GALNTL6: variants seen among roughly 807,000 people sequenced by gnomAD.
GALNTL6 encodes polypeptide N-acetylgalactosaminyltransferase like 6.
In GALNTL6, 46 loss-of-function variants were observed where a neutral mutation model predicts 73.7. The observed-to-expected ratio is 0.62, with a 90% CI of 0.49 to 0.80. GALNTL6 has a LOEUF of 0.80. Ranked by LOEUF, GALNTL6 falls within the 30% of genes least tolerant of loss-of-function variation. GALNTL6 has a pLI of 0.00. For missense variants in GALNTL6, 604 were observed against 755.0 expected (o/e 0.80, Z 2.34); for synonymous variants, 259 against 263.7 (o/e 0.98, Z 0.17).
At chr4:172,767,758 C>T (rs966744007) in intron 5 of GALNTL6, among the ~76,000 whole-genome samples, 2 of 149,980 alleles carry the variant, frequency 1.3e-5, no homozygotes, top group Non-Finnish European at 3.0e-5. Context: ...CAACTTCCAC[C>T]TCCCAGGTTC....
intron 7 of GALNTL6, among the ~76,000 whole-genome samples, chr4:172,878,602 TAAC>T (rs1367463726): frequency 1.8e-4 from 28 of 151,708 alleles, no homozygotes; most frequent in Admixed American, 1.8e-3. Context: ...ACCATTATGA[TAAC>T]AAAGAAACCA....
chr4:172,207,822 A>C (rs1428063792), intron 2 of GALNTL6, among the ~76,000 whole-genome samples: 1 of 152,234 alleles, frequency 6.6e-6, no homozygotes, highest in Non-Finnish European at 1.5e-5. Context: ...CATAACTTGC[A>C]CGCAGTAAGT....
chr4:172,931,367 G>A (rs1416070702), intron 9 of GALNTL6, 99 bp downstream of exon 9: 1 of 765,164 alleles, frequency 1.3e-6, no homozygotes, highest in East Asian at 2.4e-5. Flanking sequence ...AAGCTCTCCA[G>A]TGTACAGAGA....
intron 5 of GALNTL6, among the ~76,000 whole-genome samples, chr4:172,676,192 C>T (rs1318827734): frequency 1.3e-5 from 2 of 152,098 alleles, no homozygotes; most frequent in African/African-American, 2.4e-5. Flanking sequence ...TTTGAAAAGA[C>T]TTTATAATCA....
intron 8 of GALNTL6, among the ~76,000 whole-genome samples, chr4:172,913,373 G>A (rs953272650): frequency 6.6e-6 from 1 of 152,166 alleles, no homozygotes; most frequent in Non-Finnish European, 1.5e-5. Flanking sequence ...ACAGAACAAA[G>A]CTGGACGGAG....
chr4:172,271,477 GC>G (rs1738648865), intron 3 of GALNTL6, among the ~76,000 whole-genome samples: 2 of 151,906 alleles, frequency 1.3e-5, no homozygotes, highest in Admixed American at 1.3e-4. Context: ...TTGCCTACGT[GC>G]ATACTTATAT....
intron 2 of GALNTL6, among the ~76,000 whole-genome samples, chr4:172,162,624 G>T (rs1489959031): frequency 6.6e-6 from 1 of 151,924 alleles, no homozygotes; most frequent in Non-Finnish European, 1.5e-5. Flanking sequence ...TTTCAAACAA[G>T]ATCACAAGGC....
chr4:172,652,085 A>G (rs927997949), intron 5 of GALNTL6, among the ~76,000 whole-genome samples: 8 of 152,124 alleles, frequency 5.3e-5, no homozygotes, highest in Non-Finnish European at 1.2e-4. Context: ...TGTTTAGAAC[A>G]CTCCCATATG....
intron 5 of GALNTL6, among the ~76,000 whole-genome samples, chr4:172,760,665 C>A (rs952316721): frequency 6.6e-6 from 1 of 152,134 alleles, no homozygotes; most frequent in Non-Finnish European, 1.5e-5. Context: ...AGCAGAGGGT[C>A]AAGGACACTG....
At chr4:172,300,907 G>A (rs888664349) in intron 3 of GALNTL6, among the ~76,000 whole-genome samples, 3 of 152,132 alleles carry the variant, frequency 2.0e-5, no homozygotes, top group Admixed American at 2.0e-4. Flanking sequence ...GAATTTGAAT[G>A]TTGGCCTGCC....
At chr4:172,087,766 A>G (rs1001543452) in intron 2 of GALNTL6, among the ~76,000 whole-genome samples, 7 of 151,924 alleles carry the variant, frequency 4.6e-5, no homozygotes, top group Non-Finnish European at 7.4e-5. Context: ...ATAGCAGAAA[A>G]AAAAAAAACA....
chr4:172,307,660 G>T (rs1449510440), intron 3 of GALNTL6, among the ~76,000 whole-genome samples: 2 of 152,022 alleles, frequency 1.3e-5, no homozygotes, highest in African/African-American at 2.4e-5. Flanking sequence ...AAAATCAGTT[G>T]GCTGTAAGTA....
rs145708251 is a variant in GALNTL6 at position 172,361,595 on chromosome 4, C to A, written c.553+12906C>A. On this transcript the variant is annotated intron_variant, in intron 5 of 12. Transcript: ENST00000506823. ...CCAGGATAATAAGCTTTTTCCAAGG[C>A]AGTGCATGATGAATAATATCAGTGT... Among the ~76,000 whole-genome samples, 367 of 152,192 alleles carry A rather than the reference C, an allele frequency of 2.4e-3. 4 individuals carry two copies. The highest frequency in any genetic ancestry group is 8.5e-3 in the African/African-American group (353 of 41,542).
intron 2 of GALNTL6, among the ~76,000 whole-genome samples, chr4:172,069,555 G>GTTATATATAACTCATATGTGTTATATATA (rs1731473600): frequency 1.6e-5 from 1 of 60,914 alleles, no homozygotes; most frequent in South Asian, 4.6e-4. Context: ...ACACATATAT[G>GTTATATATAACTCATATGTGTTATATATA]TTATATATAA....
At chr4:172,652,240 C>G (rs1191135718) in intron 5 of GALNTL6, among the ~76,000 whole-genome samples, 2 of 152,186 alleles carry the variant, frequency 1.3e-5, no homozygotes, top group Admixed American at 6.5e-5. Context: ...TCAGGAGTGT[C>G]GAGGTTATTC....
intron 5 of GALNTL6, among the ~76,000 whole-genome samples, chr4:172,808,481 T>C (rs979001054): frequency 2.6e-5 from 4 of 152,218 alleles, no homozygotes; most frequent in Non-Finnish European, 5.9e-5. Context: ...AATACTAGAC[T>C]ATACCTGTCA....
intron 7 of GALNTL6, among the ~76,000 whole-genome samples, chr4:172,829,640 A>G (rs1189335889): frequency 6.6e-6 from 1 of 152,128 alleles, no homozygotes. Context: ...ACATTTTGCA[A>G]CTCACTGTCT....
intron 8 of GALNTL6, among the ~76,000 whole-genome samples, chr4:172,908,273 AAAG>A (rs1747011995): frequency 6.6e-6 from 1 of 152,232 alleles, no homozygotes. Flanking sequence ...AGTCATGAAT[AAAG>A]AAGGACTACT....
At chr4:172,465,974 C>T (rs941977527) in intron 5 of GALNTL6, among the ~76,000 whole-genome samples, 1 of 152,116 alleles carries the variant, frequency 6.6e-6, no homozygotes, top group Non-Finnish European at 1.5e-5. Context: ...TTTTAAAAAA[C>T]TGTCCCAAAT....
Sources: allele counts gnomAD v4.1 joint callset (sites outside exome capture counted in the v4.1 genomes callset), GRCh38; gene constraint gnomAD v4.1.1; transcripts MANE v1.5; gene names NCBI Gene and HGNC (gene_info 2026-07-23, HGNC 2026-07-21).